CHRM2: variants seen among roughly 807,000 people sequenced by gnomAD.
CHRM2 encodes cholinergic receptor muscarinic 2.
CHRM2 carries 8 observed loss-of-function variants against 25.0 expected under a neutral mutation model. That is an observed-to-expected ratio of 0.32 (90% confidence interval 0.19 to 0.58). The LOEUF is 0.58. CHRM2 is among the 20% of genes least tolerant of loss of function. CHRM2 has a pLI of 0.88. For synonymous variants in CHRM2, 202 were observed against 205.7 expected (o/e 0.98, Z 0.15); for missense variants, 440 against 567.1 (o/e 0.78, Z 2.28).
At chr7:136,872,947 C>T (rs1247919279) in intron 2 of CHRM2, among the ~76,000 whole-genome samples, 1 of 152,246 alleles carries the variant, frequency 6.6e-6, no homozygotes, top group Non-Finnish European at 1.5e-5. Context: ...AGACACCATT[C>T]TCAATCCTGT....
intron 3 of CHRM2, among the ~76,000 whole-genome samples, chr7:136,996,630 C>T (rs1803621051): frequency 6.6e-6 from 1 of 152,080 alleles, no homozygotes; most frequent in African/African-American, 2.4e-5. Flanking sequence ...GTTTGCTACA[C>T]TATTATATGC....
intron 2 of CHRM2, among the ~76,000 whole-genome samples, chr7:136,942,191 G>T (rs1433546613): frequency 1.3e-5 from 2 of 152,070 alleles, no homozygotes; most frequent in African/African-American, 4.8e-5. Context: ...AATATTTGAG[G>T]TCTGTTGTTT....
At chr7:136,921,990 C>G (rs1798474385) in intron 2 of CHRM2, among the ~76,000 whole-genome samples, 1 of 152,086 alleles carries the variant, frequency 6.6e-6, no homozygotes, top group African/African-American at 2.4e-5. Context: ...TCATCTCAAA[C>G]TCCTGACCTC....
intron 2 of CHRM2, chr7:136,901,777 T>C (rs1797223815): frequency 6.6e-6 from 1 of 152,016 alleles, no homozygotes; most frequent in South Asian, 2.1e-4. Flanking sequence ...TGCACACACA[T>C]CTCATGCATA....
intron 2 of CHRM2, among the ~76,000 whole-genome samples, chr7:136,928,808 G>C (rs1028442117): frequency 1.3e-5 from 2 of 152,148 alleles, no homozygotes; most frequent in Non-Finnish European, 2.9e-5. Flanking sequence ...TAAAGTGTTA[G>C]GTTGGTGCAA....
intron 2 of CHRM2, among the ~76,000 whole-genome samples, chr7:136,982,993 A>G (rs1802587234): frequency 6.6e-6 from 1 of 152,114 alleles, no homozygotes; most frequent in African/African-American, 2.4e-5. Flanking sequence ...GGCCTGTCTT[A>G]CCAGTTTGGG....
chr7:137,014,378 T>C (rs567321716), intron 3 of CHRM2, among the ~76,000 whole-genome samples: 10 of 152,044 alleles, frequency 6.6e-5, no homozygotes, highest in Non-Finnish European at 1.2e-4. Flanking sequence ...TTCAATATTA[T>C]ACATTCTATG....
At position 137,015,569 on chromosome 7, in the gene CHRM2, T is replaced by G; in HGVS notation, c.704T>G (p.Leu235Arg). ...VANQDPVSPS[L>R]VQGRIVKPNN... The stretch of plus-strand genomic sequence containing the variant: ...AACCAAGACCCCGTTTCTCCAAGTC[T>G]GGTACAAGGAAGGATAGTGAAGCCA... Residue 235 changes from leucine to arginine, a missense_variant, in exon 4 of 4, where the codon CTG (leucine) becomes CGG (arginine). Around this residue, in one of 5 missense-constraint regions of CHRM2, gnomAD observed 261 missense variants for 261.8 expected, o/e 1.00. Transcript: ENST00000680005. This position sits in a 1 kb window ranked among gnomAD's most constrained non-coding sequence, Gnocchi z 5.1. 6.2e-7 allele frequency: 1 copy of G among 1,612,874 alleles called. No homozygotes were observed. The highest frequency in any genetic ancestry group is 8.5e-7 in the Non-Finnish European group (1 of 1,179,506).
intron 2 of CHRM2, among the ~76,000 whole-genome samples, chr7:136,927,609 C>T (rs1030120645): frequency 3.9e-5 from 6 of 152,084 alleles, no homozygotes; most frequent in Non-Finnish European, 8.8e-5. Flanking sequence ...ATATTTATGC[C>T]AGGATAGACA....
At chr7:136,911,227 A>G (rs1797826630) in intron 2 of CHRM2, among the ~76,000 whole-genome samples, 1 of 151,936 alleles carries the variant, frequency 6.6e-6, no homozygotes, top group African/African-American at 2.4e-5. Context: ...TATTAATAAT[A>G]TCTAGTAATG....
At chr7:136,874,193 T>C (rs1249930803) in intron 2 of CHRM2, among the ~76,000 whole-genome samples, 1 of 152,196 alleles carries the variant, frequency 6.6e-6, no homozygotes, top group Non-Finnish European at 1.5e-5. Context: ...GATTCTGAAT[T>C]TCAATGGCCC....
At chr7:136,986,589 G>A (rs1348658148) in intron 2 of CHRM2, among the ~76,000 whole-genome samples, 2 of 152,202 alleles carry the variant, frequency 1.3e-5, no homozygotes, top group African/African-American at 4.8e-5. Flanking sequence ...ATATATTTGG[G>A]CAATTAGCAT....
chr7:136,886,005 G>GGCC (rs1796449093), intron 2 of CHRM2, among the ~76,000 whole-genome samples: 1 of 152,192 alleles, frequency 6.6e-6, no homozygotes, highest in Admixed American at 6.5e-5. Context: ...GCCAGACTAT[G>GGCC]AAAGAGTCAG....
chr7:136,985,810 A>T (rs1194453565), intron 2 of CHRM2, among the ~76,000 whole-genome samples: 1 of 152,170 alleles, frequency 6.6e-6, no homozygotes, highest in East Asian at 1.9e-4. Flanking sequence ...GAGTTCACTC[A>T]CTGGCAAGAC....
chr7:136,983,433 T>A (rs911069918), intron 2 of CHRM2, among the ~76,000 whole-genome samples: 3 of 152,186 alleles, frequency 2.0e-5, no homozygotes, highest in African/African-American at 7.2e-5. Flanking sequence ...TCTACTTCTG[T>A]CTATTCATCA....
chr7:136,992,867 T>G (rs531216184), intron 3 of CHRM2, among the ~76,000 whole-genome samples: 182 of 152,320 alleles, frequency 1.2e-3, no homozygotes, highest in African/African-American at 3.7e-3. Context: ...TGTTGCAATC[T>G]TGAGGTAGAA....
chr7:136,998,098 T>C (rs1803725618), intron 3 of CHRM2, among the ~76,000 whole-genome samples: 1 of 152,342 alleles, frequency 6.6e-6, no homozygotes, highest in East Asian at 1.9e-4. Context: ...CTTGCTCCAA[T>C]GCTACAGCTG....
chr7:136,930,073 TAAAGAAG>T (rs776019607), intron 2 of CHRM2, among the ~76,000 whole-genome samples: 50 of 151,896 alleles, frequency 3.3e-4, no homozygotes, highest in Admixed American at 1.6e-3. Flanking sequence ...TAATGAAACA[TAAAGAAG>T]AAAGAAGAAA....
At chr7:136,895,084 A>C (rs555411019) in intron 2 of CHRM2, among the ~76,000 whole-genome samples, 1 of 152,332 alleles carries the variant, frequency 6.6e-6, no homozygotes, top group African/African-American at 2.4e-5. Flanking sequence ...AATGTGGCAG[A>C]ATATTTTATC....
Sources: gnomAD v4.1 joint callset for allele counts (sites outside exome capture counted in the v4.1 genomes callset) on GRCh38, gnomAD v4.1.1 for gene constraint, gnomAD v4.1.1 regional missense constraint, Gnocchi (gnomAD v3.1) non-coding constraint, MANE v1.5 for transcripts, NCBI Gene and HGNC (gene_info 2026-07-23, HGNC 2026-07-21) for gene names.